Variants in MEGF10 observed in about 807,000 individuals in gnomAD.
The protein encoded by MEGF10 is multiple EGF like domains 10.
A neutral mutation model predicts 147.5 loss-of-function variants in MEGF10; 86 were observed. The ratio of observed to expected loss-of-function variants is 0.58; its 90% confidence interval spans 0.49 to 0.70. MEGF10 has a LOEUF of 0.70. MEGF10 is among the 30% of genes least tolerant of loss of function. The probability of loss-of-function intolerance (pLI) is 0.00; values close to 1 mark genes in which losing one functional copy is unlikely to be tolerated. For missense variants in MEGF10, 1,329 were observed against 1,487.3 expected (o/e 0.89, Z 1.75); for synonymous variants, 478 against 525.5 (o/e 0.91, Z 1.24).
chr5:127,366,739 G>C (rs966638528), intron 4 of MEGF10, among the ~76,000 whole-genome samples: 1 of 152,088 alleles, frequency 6.6e-6, no homozygotes, highest in Non-Finnish European at 1.5e-5. Context: ...GAACTTCTTG[G>C]AATTCATTTC....
intron 1 of MEGF10, among the ~76,000 whole-genome samples, chr5:127,296,818 A>T (rs1251919611): frequency 6.6e-6 from 1 of 152,222 alleles, no homozygotes; most frequent in Non-Finnish European, 1.5e-5. Flanking sequence ...TACAATCAAA[A>T]CAAAAAAATT....
At chr5:127,331,168 A>G in intron 1 of MEGF10, 123 bp from the exon 2 acceptor site, 1 of 588,198 alleles carries the variant, frequency 1.7e-6, no homozygotes, top group Non-Finnish European at 3.0e-6. Flanking sequence ...CTATTGAAAT[A>G]CATGGCTTGT....
Position 127,422,757 on chromosome 5 carries a change from C to T in MEGF10, c.1678C>T (p.Leu560Phe). 1.2e-6 allele frequency: 2 copies of T among 1,613,968 alleles called. No homozygotes were observed. Among genetic ancestry groups the T allele is most frequent in the Non-Finnish European group, 1.7e-6 (2 of 1,179,906 alleles). Residue 560 changes from leucine (L) to phenylalanine (F), a missense_variant, in exon 13 of 25, where the codon CTC (leucine) becomes TTC (phenylalanine). Transcript: ENST00000503335. ...CHPTTGHCRC[L>F]PGWSGVHCDS... ...CCCTACCACGGGCCATTGCCGCTGC[C>T]TCCCCGGATGGTCAGGTGAGAGCCA...
chr5:127,418,234 A>G (rs1188587707), intron 10 of MEGF10, among the ~76,000 whole-genome samples: 8 of 152,230 alleles, frequency 5.3e-5, no homozygotes, highest in Admixed American at 5.2e-4. Flanking sequence ...TTGGTAGTAC[A>G]TAAGTTTTTA....
At chr5:127,312,117 G>A (rs922268773) in intron 1 of MEGF10, among the ~76,000 whole-genome samples, 1 of 152,126 alleles carries the variant, frequency 6.6e-6, no homozygotes, top group African/African-American at 2.4e-5. Flanking sequence ...CTCTCACTGT[G>A]CCTCCTTTTC....
chr5:127,375,295 G>T (rs190864654), intron 5 of MEGF10, among the ~76,000 whole-genome samples: 3 of 152,222 alleles, frequency 2.0e-5, no homozygotes, highest in Admixed American at 1.3e-4. Context: ...ATTTCAAAAG[G>T]CTTCTCTTTG....
chr5:127,422,413 C>T (rs1765046668), intron 12 of MEGF10, among the ~76,000 whole-genome samples: 2 of 151,444 alleles, frequency 1.3e-5, no homozygotes, highest in African/African-American at 4.9e-5. Flanking sequence ...CCCAGCTACT[C>T]GGGAGGCTGA....
chr5:127,353,475 G>T (rs1468729376), intron 4 of MEGF10, among the ~76,000 whole-genome samples: 1 of 152,218 alleles, frequency 6.6e-6, no homozygotes, highest in Non-Finnish European at 1.5e-5. Flanking sequence ...CTGTGGGAAG[G>T]ATTGGTTAAT....
At chr5:127,394,018 G>A (rs191149031) in intron 5 of MEGF10, among the ~76,000 whole-genome samples, 1 of 151,870 alleles carries the variant, frequency 6.6e-6, no homozygotes, top group South Asian at 2.1e-4. Context: ...TATGTGCTTG[G>A]GGCCACCCTG....
intron 4 of MEGF10, among the ~76,000 whole-genome samples, chr5:127,356,083 C>T (rs1487607046): frequency 1.3e-5 from 2 of 152,174 alleles, no homozygotes; most frequent in Non-Finnish European, 2.9e-5. Context: ...TACTATGGTT[C>T]AAATCTTTTC....
chr5:127,312,463 A>G lies in MEGF10; in HGVS notation c.-18-18828A>G, dbSNP rs981107865. On this transcript the variant is annotated intron_variant, in intron 1 of 24. Coordinates refer to ENST00000503335, the MANE Select transcript of MEGF10 (RefSeq NM_001256545.2). ...CCTGAAGAACTGTCTCTATTTTTTC[A>G]TTTTTGTTTCAGAGAATAACAAAGT... is the stretch of plus-strand genomic sequence containing the variant. Among the ~76,000 whole-genome samples the G allele has an allele frequency of 1.2e-4, 18 of 152,204 alleles. No homozygotes were observed. In the South Asian group the frequency reaches 2.7e-3, roughly 23 times the overall value.
chr5:127,406,512 G>GCTCCC (rs1764330681), intron 8 of MEGF10, among the ~76,000 whole-genome samples: 1 of 152,188 alleles, frequency 6.6e-6, no homozygotes, highest in African/African-American at 2.4e-5. Context: ...TGGGGAGAAA[G>GCTCCC]GCCTTGATAG....
chr5:127,417,881 A>T, intron 10 of MEGF10, 69 bp downstream of exon 10: 1 of 1,487,300 alleles, frequency 6.7e-7, no homozygotes, highest in Non-Finnish European at 9.1e-7. Flanking sequence ...ACCATGATTT[A>T]TATGACCTCC....
rs1432271971 is a variant in MEGF10, at chr5:127,458,894, CT to C, written c.*1578del. Reference sequence around the variant, plus strand: ...AATGGAGGGCATTATTAATAATTATCTTGTAATGAACTTAAATCTGGACTGT... The same window carrying C: ...AATGGAGGGCATTATTAATAATTATCTGTAATGAACTTAAATCTGGACTGT... On this transcript the variant is annotated 3_prime_UTR_variant, in exon 25 of 25. Coordinates refer to ENST00000503335, the MANE Select transcript of MEGF10 (RefSeq NM_001256545.2). The C allele has an allele frequency of 6.6e-6, 1 of 152,140 alleles. No homozygotes were observed. Among genetic ancestry groups the C allele is most frequent in the Non-Finnish European group, 1.5e-5 (1 of 68,026 alleles). 9.4% of individuals were successfully genotyped at this position (152,140 alleles called of 1,614,324 possible).
At chr5:127,245,985 G>A in the MEGF10 span, among the ~76,000 whole-genome samples, 3 of 152,178 alleles carry the variant, frequency 2.0e-5, no homozygotes, top group African/African-American at 7.2e-5. Flanking sequence ...GGAGTAATAG[G>A]AATGCTTTTT....
chr5:127,384,398 ATTC>A (rs774668738), intron 5 of MEGF10, among the ~76,000 whole-genome samples: 1 of 152,242 alleles, frequency 6.6e-6, no homozygotes, highest in Admixed American at 6.5e-5. Flanking sequence ...TGAGGTTGTT[ATTC>A]TTCTTTTCAC....
At chr5:127,329,691 A>G (rs1454691404) in intron 1 of MEGF10, among the ~76,000 whole-genome samples, 2 of 152,252 alleles carry the variant, frequency 1.3e-5, no homozygotes, top group South Asian at 4.2e-4. Context: ...CTTTGCTCAA[A>G]TAATCTGGCT....
intron 8 of MEGF10, among the ~76,000 whole-genome samples, chr5:127,407,721 G>C (rs940805492): frequency 6.6e-6 from 1 of 152,094 alleles, no homozygotes; most frequent in African/African-American, 2.4e-5. Context: ...AAATTTGTTG[G>C]GAAATGGTGC....
chr5:127,247,470 G>GAAGAAGAAGAAGAAGAA, the MEGF10 span, among the ~76,000 whole-genome samples: 1 of 146,638 alleles, frequency 6.8e-6, no homozygotes, highest in Non-Finnish European at 1.5e-5. Flanking sequence ...AGAAGAAGAA[G>GAAGAAGAAGAAGAAGAA]AAGAAGAAGA....
Sources: gnomAD v4.1 joint callset for allele counts (sites outside exome capture counted in the v4.1 genomes callset) on GRCh38, gnomAD v4.1.1 for gene constraint, MANE v1.5 for transcripts, NCBI Gene and HGNC (gene_info 2026-07-23, HGNC 2026-07-21) for gene names.